The following RNF150 variants were observed in gnomAD, a reference collection of about 807,000 sequenced individuals.
The protein encoded by RNF150 is ring finger protein 150.
A neutral mutation model predicts 39.3 loss-of-function variants in RNF150; 24 were observed. The observed-to-expected ratio is 0.61, with a 90% CI of 0.44 to 0.86. The LOEUF is 0.86. RNF150 is among the 40% of genes least tolerant of loss of function. The pLI is 0.00. For missense variants in RNF150, 502 were observed against 587.8 expected (o/e 0.85, Z 1.51); for synonymous variants, 255 against 227.3 (o/e 1.12, Z -1.10).
intron 1 of RNF150, among the ~76,000 whole-genome samples, chr4:141,082,068 G>A (rs116835465): frequency 0.072 from 11,012 of 152,236 alleles, 455 homozygotes; most frequent in Non-Finnish European, 0.089. Flanking sequence ...GGCCATTTAC[G>A]TTAATTGCAC....
intron 1 of RNF150, among the ~76,000 whole-genome samples, chr4:140,990,496 A>C (rs1350570210): frequency 6.6e-6 from 1 of 152,134 alleles, no homozygotes; most frequent in Admixed American, 6.6e-5. Context: ...CCCTCCTCAC[A>C]TCCCACCTAC....
In RNF150 at chr4:140,865,491, T is replaced by C. The variant is rs1174966180; in HGVS notation, c.*2770A>G. On this transcript the variant is annotated 3_prime_UTR_variant, in exon 7 of 7. Coordinates refer to ENST00000515673, the MANE Select transcript of RNF150 (RefSeq NM_020724.2). ...TCTTTGGGGGAGGTAAAGAAGGCTA[T>C]AAGGAAGGGCTGTTCCCCTTTCTTC... is the stretch of plus-strand genomic sequence containing the variant. 6.6e-6 allele frequency: 1 copy of C among 152,298 alleles called. No individual in the cohort carries two copies. Among genetic ancestry groups the C allele is most frequent in the African/African-American group, 2.4e-5 (1 of 41,340 alleles). 9.4% of individuals were successfully genotyped at this position (152,298 alleles called of 1,614,324 possible).
intron 1 of RNF150, among the ~76,000 whole-genome samples, chr4:141,055,355 C>T (rs1231994768): frequency 2.6e-5 from 4 of 152,072 alleles, no homozygotes; most frequent in Non-Finnish European, 4.4e-5. Context: ...TATAAGTCAT[C>T]TATATAGAAG....
chr4:141,002,570 T>G (rs949480461), intron 1 of RNF150, among the ~76,000 whole-genome samples: 1 of 152,166 alleles, frequency 6.6e-6, no homozygotes, highest in African/African-American at 2.4e-5. Flanking sequence ...ATACATCTCC[T>G]TTCTGGTCTT....
rs78774377 is a variant in RNF150, at chr4:140,982,773, T to C, written c.485-14900A>G. Among the ~76,000 whole-genome samples, 1,097 of 152,298 alleles carry C rather than the reference T, an allele frequency of 7.2e-3. 10 individuals are homozygous for C. Among genetic ancestry groups the C allele is most frequent in the African/African-American group, 0.025 (1,033 of 41,574 alleles). On this transcript the variant is annotated intron_variant, in intron 1 of 6. Transcript: ENST00000515673. ...TATCAAAGACACATGCCTTTGCTTA[T>C]CACTTTAGTTTACAACTATGCATGC...
chr4:141,008,890 G>C (rs73858463), intron 1 of RNF150, among the ~76,000 whole-genome samples: 11,546 of 151,872 alleles, frequency 0.076, 496 homozygotes, highest in Middle Eastern at 0.16. Flanking sequence ...TATCCTAAGC[G>C]CTTTGCATTT....
At position 141,020,382 on chromosome 4, in the gene RNF150, G is replaced by A. The variant is rs1735447562; in HGVS notation, c.485-52509C>T. Among the ~76,000 whole-genome samples the A allele has an allele frequency of 2.0e-5, 3 of 152,096 alleles. No individual in the cohort carries two copies. The South Asian group carries it at 6.2e-4, about 32-fold the overall frequency. On this transcript the variant is annotated intron_variant, in intron 1 of 6. Transcript: ENST00000515673. ...CACATTCTAAGGTAAGGTAAAGGTG[G>A]TATAACCTGCACAAGAGCACCAGGC...
chr4:140,882,377 T>C (rs1729409539), intron 6 of RNF150, among the ~76,000 whole-genome samples: 1 of 152,190 alleles, frequency 6.6e-6, no homozygotes, highest in Admixed American at 6.5e-5. Flanking sequence ...GAATGTTTCA[T>C]GTGCATTTGA....
chr4:141,185,502 C>T (rs2111194058), intron 1 of RNF150, among the ~76,000 whole-genome samples: 1 of 152,292 alleles, frequency 6.6e-6, no homozygotes, highest in East Asian at 1.9e-4. Context: ...TCCTCTCTTC[C>T]TATTTGAATA....
At chr4:141,082,321 T>G (rs375346250) in intron 1 of RNF150, among the ~76,000 whole-genome samples, 45 of 152,362 alleles carry the variant, frequency 3.0e-4, no homozygotes, top group African/African-American at 1.1e-3. Flanking sequence ...CGGACCTTGT[T>G]TCCTGGAAAC....
chr4:141,129,002 C>T (rs1726826295), intron 1 of RNF150, among the ~76,000 whole-genome samples: 1 of 151,994 alleles, frequency 6.6e-6, no homozygotes, highest in African/African-American at 2.4e-5. Context: ...AAATTGGAAC[C>T]CTCAAACACT....
intron 6 of RNF150, among the ~76,000 whole-genome samples, chr4:140,887,612 C>T (rs1201747779): frequency 2.0e-5 from 3 of 152,158 alleles, no homozygotes; most frequent in Non-Finnish European, 2.9e-5. Context: ...ATGTGACAGC[C>T]TTATCCCTAC....
chr4:140,918,898 T>C (rs1351845704), intron 5 of RNF150, among the ~76,000 whole-genome samples: 3 of 152,136 alleles, frequency 2.0e-5, no homozygotes, highest in Non-Finnish European at 2.9e-5. Flanking sequence ...AATCAATAAT[T>C]CTAATCCAGC....
At chr4:141,051,989 C>T (rs1027240963) in intron 1 of RNF150, among the ~76,000 whole-genome samples, 3 of 152,094 alleles carry the variant, frequency 2.0e-5, no homozygotes, top group African/African-American at 2.4e-5. Flanking sequence ...ACAATCATGG[C>T]GGAAGGCAAG....
chr4:140,960,626 T>C lies in RNF150; in HGVS notation c.735+6997A>G, dbSNP rs371589884. On this transcript the variant is annotated intron_variant, in intron 2 of 6. Transcript: ENST00000515673. ...TGAGTTGATCAACAATGGCCAATAA[T>C]TTAATCAATCATGCCTACATGATGA... Among the ~76,000 whole-genome samples the C allele has an allele frequency of 1.2e-4, 19 of 152,226 alleles. No homozygotes were observed. The East Asian group carries it at 2.1e-3, about 17-fold the overall frequency.
chr4:141,106,778 G>C (rs192632155), intron 1 of RNF150, among the ~76,000 whole-genome samples: 2 of 152,120 alleles, frequency 1.3e-5, no homozygotes, highest in East Asian at 3.9e-4. Context: ...TGGGTGAAAA[G>C]AGCGAAATTC....
chr4:141,086,933 G>A (rs530567656), intron 1 of RNF150, among the ~76,000 whole-genome samples: 3 of 151,770 alleles, frequency 2.0e-5, no homozygotes, highest in Admixed American at 6.6e-5. Context: ...TTTTTTTGGC[G>A]TTAATAAAAT....
At chr4:141,096,076 G>A (rs777149340) in intron 1 of RNF150, among the ~76,000 whole-genome samples, 1 of 151,734 alleles carries the variant, frequency 6.6e-6, no homozygotes, top group Non-Finnish European at 1.5e-5. Context: ...GAGGATTAAT[G>A]GCCACATTTA....
intron 1 of RNF150, among the ~76,000 whole-genome samples, chr4:141,053,186 C>T (rs1736844797): frequency 1.3e-5 from 2 of 152,154 alleles, no homozygotes; most frequent in Admixed American, 1.3e-4. Flanking sequence ...TTAAAACTAT[C>T]AAAGCTTCTA....
Sources: allele counts gnomAD v4.1 joint callset (sites outside exome capture counted in the v4.1 genomes callset), GRCh38; gene constraint gnomAD v4.1.1; transcripts MANE v1.5; gene names NCBI Gene and HGNC (gene_info 2026-07-23, HGNC 2026-07-21).